Variants in CSMD1 observed in about 807,000 individuals in gnomAD.
The protein encoded by CSMD1 is CUB and sushi domain-containing protein 1.
In CSMD1, 213 loss-of-function variants were observed where a neutral mutation model predicts 417.5. The ratio of observed to expected loss-of-function variants is 0.51; its 90% CI spans 0.46 to 0.57. CSMD1 has a LOEUF of 0.57. Among genes scored for constraint, CSMD1 ranks in the 20% least tolerant of loss-of-function variants. CSMD1 has a pLI of 0.00. For synonymous variants in CSMD1, 2,862 were observed against 1,736.8 expected (o/e 1.65, Z -16.11); for missense variants, 6,923 against 4,529.7 (o/e 1.53, Z -15.17).
intron 5 of CSMD1, among the ~76,000 whole-genome samples, chr8:3,814,850 A>C (rs1801286934): frequency 6.6e-6 from 1 of 152,184 alleles, no homozygotes. Flanking sequence ...GGACTCCTTC[A>C]TACTAGACAC....
chr8:3,537,604 G>C (rs951582190), intron 10 of CSMD1, among the ~76,000 whole-genome samples: 32 of 152,156 alleles, frequency 2.1e-4, no homozygotes, highest in African/African-American at 7.2e-4. Context: ...ATAATGTAAT[G>C]ATGGAAATTG....
chr8:4,252,350 C>G (rs1803139233), intron 3 of CSMD1, among the ~76,000 whole-genome samples: 1 of 152,208 alleles, frequency 6.6e-6, no homozygotes, highest in African/African-American at 2.4e-5. Context: ...GTCATGCTAG[C>G]TTTTCTGTCC....
rs1563224823 is a variant in CSMD1 at position 4,724,555 on chromosome 8, TG to T, written c.86-86998del. 1.7e-3 allele frequency among the ~76,000 whole-genome samples: 255 copies of T among 151,516 alleles called. 1 individual carries two copies. Among genetic ancestry groups the T allele is most frequent in the African/African-American group, 5.9e-3 (242 of 41,068 alleles). On this transcript the variant is annotated intron_variant, in intron 1 of 69. Coordinates refer to ENST00000635120, the MANE Select transcript of CSMD1 (RefSeq NM_033225.6). ...GTGTGTGTGTGTGTGTGTGTGTGTG[TG>T]TGTGTGTTTATACTCCCAGTGAAAT...
At chr8:3,816,105 C>T (rs947193126) in intron 5 of CSMD1, among the ~76,000 whole-genome samples, 3 of 152,140 alleles carry the variant, frequency 2.0e-5, no homozygotes, top group Non-Finnish European at 4.4e-5. Context: ...ACCTTTAGGT[C>T]TCTATCTCAT....
chr8:3,761,169 T>C (rs964211636), intron 5 of CSMD1, among the ~76,000 whole-genome samples: 3 of 152,196 alleles, frequency 2.0e-5, no homozygotes, highest in African/African-American at 7.2e-5. Flanking sequence ...TTCCAAGTCT[T>C]ATTTTGGACA....
At chr8:4,315,064 A>T (rs1278205327) in intron 3 of CSMD1, among the ~76,000 whole-genome samples, 1 of 152,116 alleles carries the variant, frequency 6.6e-6, no homozygotes, top group Non-Finnish European at 1.5e-5. Flanking sequence ...CACTGCCCCG[A>T]CCATTTGAAT....
At chr8:3,166,404 T>G (rs550751680) in intron 37 of CSMD1, among the ~76,000 whole-genome samples, 13 of 152,082 alleles carry the variant, frequency 8.5e-5, no homozygotes, top group African/African-American at 2.7e-4. Flanking sequence ...CGTGGTGGTG[T>G]GCACCTGTAG....
At chr8:4,508,288 G>A (rs1802639414) in intron 2 of CSMD1, among the ~76,000 whole-genome samples, 1 of 151,660 alleles carries the variant, frequency 6.6e-6, no homozygotes, top group African/African-American at 2.4e-5. Context: ...ATGCATTGGA[G>A]TGATATAAAG....
chr8:4,686,974 C>T (rs1054297267), intron 1 of CSMD1, among the ~76,000 whole-genome samples: 3 of 152,188 alleles, frequency 2.0e-5, no homozygotes, highest in African/African-American at 7.2e-5. Context: ...GAACGGCACA[C>T]AGGGAGGTGG....
At chr8:2,950,849 T>C (rs983590376) in intron 66 of CSMD1, among the ~76,000 whole-genome samples, 1 of 152,204 alleles carries the variant, frequency 6.6e-6, no homozygotes, top group Non-Finnish European at 1.5e-5. Context: ...ATGCAGTATC[T>C]GTATACGAAT....
intron 5 of CSMD1, among the ~76,000 whole-genome samples, chr8:3,991,321 G>A (rs1357215046): frequency 6.6e-6 from 1 of 152,186 alleles, no homozygotes; most frequent in African/African-American, 2.4e-5. Context: ...AGGTACCTAG[G>A]TTGTGGCGTA....
chr8:3,161,235 A>G (rs1337138333), intron 38 of CSMD1, among the ~76,000 whole-genome samples: 1 of 152,192 alleles, frequency 6.6e-6, no homozygotes, highest in Non-Finnish European at 1.5e-5. Flanking sequence ...TCATGGTTAA[A>G]CTAGAAAATA....
intron 11 of CSMD1, among the ~76,000 whole-genome samples, chr8:3,481,663 C>CA (rs1225538341): frequency 6.6e-6 from 1 of 152,130 alleles, no homozygotes; most frequent in African/African-American, 2.4e-5. Context: ...CACTAGTATC[C>CA]ATATAAGAGA....
intron 3 of CSMD1, among the ~76,000 whole-genome samples, chr8:4,143,157 A>G (rs1803895033): frequency 6.6e-6 from 1 of 151,122 alleles, no homozygotes; most frequent in Non-Finnish European, 1.5e-5. Context: ...CAAATGCACT[A>G]GCAAATGTGA....
intron 5 of CSMD1, among the ~76,000 whole-genome samples, chr8:3,954,131 C>T (rs1036727595): frequency 5.9e-5 from 9 of 152,098 alleles, no homozygotes; most frequent in African/African-American, 2.2e-4. Flanking sequence ...CCCAGTTTCC[C>T]GAGGGGAATC....
chr8:4,522,763 A>G lies in CSMD1; in HGVS notation c.303-102698T>C, dbSNP rs146452614. ...GCCTGGGAGTTGGACTCCATCCTTC[A>G]TGAAGGAGTCCTGGTAGCAGTGATG... On this transcript the variant is annotated intron_variant, in intron 2 of 69. Transcript: ENST00000635120. Among the ~76,000 whole-genome samples the G allele has an allele frequency of 5.3e-3, 807 of 152,216 alleles. 6 individuals are homozygous for G. The highest frequency in any genetic ancestry group is 0.018 in the African/African-American group (741 of 41,544).
intron 26 of CSMD1, among the ~76,000 whole-genome samples, chr8:3,261,516 T>G (rs1201964373): frequency 6.6e-6 from 1 of 151,800 alleles, no homozygotes; most frequent in Admixed American, 6.6e-5. Flanking sequence ...TACAGAAAAA[T>G]AAAATAATTT....
chr8:4,094,985 T>G (rs1585302440), intron 3 of CSMD1, among the ~76,000 whole-genome samples: 1 of 152,192 alleles, frequency 6.6e-6, no homozygotes, highest in East Asian at 1.9e-4. Context: ...AATATAGTAT[T>G]ATACAGGTGG....
chr8:3,372,026 T>G (rs982688081), intron 18 of CSMD1, among the ~76,000 whole-genome samples: 2 of 152,140 alleles, frequency 1.3e-5, no homozygotes, highest in East Asian at 3.8e-4. Flanking sequence ...TGAATTCCAG[T>G]TGGAAAAGAC....
Sources: allele counts gnomAD v4.1 joint callset (sites outside exome capture counted in the v4.1 genomes callset), GRCh38; gene constraint gnomAD v4.1.1; transcripts MANE v1.5; gene names NCBI Gene and HGNC (gene_info 2026-07-23, HGNC 2026-07-21).